Variants in SMOC1 observed in about 807,000 individuals in gnomAD.
SMOC1 encodes the protein SPARC-related modular calcium-binding protein 1.
SMOC1 carries 22 observed loss-of-function variants against 56.3 expected under a neutral mutation model. The observed-to-expected ratio is 0.39, with a 90% CI of 0.28 to 0.56. SMOC1 has a LOEUF of 0.56. Among genes scored for constraint, SMOC1 ranks in the 20% least tolerant of loss-of-function variants. The probability of loss-of-function intolerance (pLI) is 0.61; values close to 1 mark genes in which losing one functional copy is unlikely to be tolerated. For synonymous variants in SMOC1, 193 were observed against 215.0 expected (o/e 0.90, Z 0.89); for missense variants, 509 against 565.4 (o/e 0.90, Z 1.01).
chr14:69,957,020 G>A (rs1377508547), intron 3 of SMOC1, among the ~76,000 whole-genome samples: 27 of 152,160 alleles, frequency 1.8e-4, no homozygotes, highest in Admixed American at 1.8e-3. Flanking sequence ...GTGGAATTTA[G>A]CCTCTTTGGT....
intron 5 of SMOC1, among the ~76,000 whole-genome samples, chr14:69,988,299 T>G (rs977850693): frequency 1.3e-5 from 2 of 152,210 alleles, no homozygotes; most frequent in East Asian, 3.9e-4. Flanking sequence ...CTTTTTTTTT[T>G]TCAGTGTTTA....
chr14:70,012,978 C>A (rs1392649843), intron 9 of SMOC1, among the ~76,000 whole-genome samples: 2 of 152,188 alleles, frequency 1.3e-5, no homozygotes, highest in Non-Finnish European at 2.9e-5. Context: ...TTTGTGCTCC[C>A]ACAGCCCCTA....
intron 7 of SMOC1, among the ~76,000 whole-genome samples, chr14:70,009,674 A>G (rs759365576): frequency 1.3e-5 from 2 of 152,268 alleles, no homozygotes; most frequent in Non-Finnish European, 2.9e-5. Flanking sequence ...AATGAAAAAT[A>G]AAGTAATAGT....
intron 7 of SMOC1, among the ~76,000 whole-genome samples, chr14:70,002,907 CCTT>C (rs1409231520): frequency 6.6e-6 from 1 of 152,176 alleles, no homozygotes; most frequent in Non-Finnish European, 1.5e-5. Flanking sequence ...CTGTGCTAAT[CCTT>C]CTGAAACAGC....
chr14:69,900,316 C>T (rs189507345), intron 1 of SMOC1, among the ~76,000 whole-genome samples: 13 of 152,242 alleles, frequency 8.5e-5, no homozygotes, highest in Admixed American at 2.0e-4. Context: ...GCAAAGAACC[C>T]GGCACAGCGC....
At chr14:69,956,843 G>A (rs989030474) in intron 3 of SMOC1, among the ~76,000 whole-genome samples, 6 of 152,082 alleles carry the variant, frequency 3.9e-5, no homozygotes, top group African/African-American at 1.2e-4. Context: ...GACTTTTAAA[G>A]GTCTTGAAAC....
At chr14:69,964,625 C>G (rs987242055) in intron 3 of SMOC1, among the ~76,000 whole-genome samples, 1 of 152,116 alleles carries the variant, frequency 6.6e-6, no homozygotes. Context: ...GATCTGCCCG[C>G]CTTGGCCTCC....
chr14:69,956,987 T>C (rs1331217430), intron 3 of SMOC1, among the ~76,000 whole-genome samples: 2 of 151,248 alleles, frequency 1.3e-5, no homozygotes, highest in African/African-American at 4.9e-5. Context: ...CATCACTCTG[T>C]TTCTCGATTG....
At chr14:69,997,283 AAGCTTTAATGTCCG>A (rs1486543668) in intron 7 of SMOC1, among the ~76,000 whole-genome samples, 1 of 152,224 alleles carries the variant, frequency 6.6e-6, no homozygotes, top group Non-Finnish European at 1.5e-5. Context: ...TACCTTTTCC[AAGCTTTAATGTCCG>A]GTTCTGGTGC....
rs7154248 is a variant in SMOC1, at chr14:69,902,669, C to G, written c.99+22892C>G. Reference sequence around the variant, plus strand: ...CCACGGTCTCCCTCTGATGCCGAGCCGAAGCTGGACTGTACTGCCGCCATC... The same window carrying G: ...CCACGGTCTCCCTCTGATGCCGAGCGGAAGCTGGACTGTACTGCCGCCATC... On this transcript the variant is annotated intron_variant, in intron 1 of 11. Transcript: ENST00000361956. Among the ~76,000 whole-genome samples the G allele has an allele frequency of 6.3e-3, 958 of 151,914 alleles. 5 individuals are homozygous for G. The highest frequency in any genetic ancestry group is 0.019 in the African/African-American group (800 of 41,404).
At position 69,994,658 on chromosome 14, in the gene SMOC1, A is replaced by C. The variant is rs73290741; in HGVS notation, c.664+178A>C. Among the ~76,000 whole-genome samples, 1,265 of 152,324 alleles carry C rather than the reference A, an allele frequency of 8.3e-3. 20 individuals carry two copies. The highest frequency in any genetic ancestry group is 0.029 in the African/African-American group (1,192 of 41,558). ...ATCCCTTCCAACTTTAATTTTCTTCAATTATCATCTCAGAGATCATCTTTC... is the reference window on the plus strand; with the variant it reads ...ATCCCTTCCAACTTTAATTTTCTTCCATTATCATCTCAGAGATCATCTTTC... On this transcript the variant is annotated intron_variant, in intron 7 of 11. Coordinates refer to ENST00000361956, the MANE Select transcript of SMOC1 (RefSeq NM_001034852.3).
intron 9 of SMOC1, among the ~76,000 whole-genome samples, chr14:70,012,066 A>G (rs1259890293): frequency 1.3e-5 from 2 of 152,212 alleles, no homozygotes; most frequent in Non-Finnish European, 2.9e-5. Flanking sequence ...CCCCTTATTT[A>G]TAGCAATCTC....
At chr14:69,967,787 G>C (rs993338270) in intron 3 of SMOC1, among the ~76,000 whole-genome samples, 1 of 152,194 alleles carries the variant, frequency 6.6e-6, no homozygotes, top group Non-Finnish European at 1.5e-5. Context: ...AGTGGAGATG[G>C]TATTTACACT....
At chr14:69,939,238 C>A (rs555624257) in intron 1 of SMOC1, among the ~76,000 whole-genome samples, 1 of 152,326 alleles carries the variant, frequency 6.6e-6, no homozygotes, top group South Asian at 2.1e-4. Context: ...GGGGAAGCCT[C>A]ATAATCATGG....
chr14:69,953,370 C>T (rs1204571643), intron 2 of SMOC1, 50 bp from the exon 3 acceptor site: 2 of 1,560,742 alleles, frequency 1.3e-6, no homozygotes, highest in African/African-American at 1.4e-5. Context: ...TCCCTCGGCC[C>T]CAGTGTCGAA....
Position 69,973,372 on chromosome 14 carries a change from A to G in SMOC1, c.379-2343A>G, listed in dbSNP as rs1458820789. Among the ~76,000 whole-genome samples, 5 of 152,206 alleles carry G rather than the reference A, an allele frequency of 3.3e-5. No homozygotes were observed. In the East Asian group the frequency reaches 9.6e-4, roughly 29 times the overall value. On this transcript the variant is annotated intron_variant, in intron 3 of 11. Coordinates refer to ENST00000361956, the MANE Select transcript of SMOC1 (RefSeq NM_001034852.3). ...TCACGTTGTTATCCCCATTTTATAGATGGGCTCAAAGAGCTGAGCGATGTA... is the reference window on the plus strand; with the variant it reads ...TCACGTTGTTATCCCCATTTTATAGGTGGGCTCAAAGAGCTGAGCGATGTA...
intron 7 of SMOC1, among the ~76,000 whole-genome samples, chr14:70,002,765 T>C (rs561462908): frequency 6.6e-6 from 1 of 152,314 alleles, no homozygotes; most frequent in Non-Finnish European, 1.5e-5. Flanking sequence ...AAAAATAACC[T>C]GTTCACATAG....
chr14:69,895,465 T>C (rs1204631426), intron 1 of SMOC1, among the ~76,000 whole-genome samples: 1 of 152,226 alleles, frequency 6.6e-6, no homozygotes, highest in African/African-American at 2.4e-5. Context: ...AGTGAGAGCA[T>C]GTTTGATCTG....
At chr14:69,926,902 G>A (rs1035142911) in intron 1 of SMOC1, among the ~76,000 whole-genome samples, 1 of 152,216 alleles carries the variant, frequency 6.6e-6, no homozygotes, top group Non-Finnish European at 1.5e-5. Flanking sequence ...ATTTGCCCAG[G>A]ATTGCTTATA....
Sources: allele counts gnomAD v4.1 joint callset (sites outside exome capture counted in the v4.1 genomes callset), GRCh38; gene constraint gnomAD v4.1.1; transcripts MANE v1.5; gene names NCBI Gene and HGNC (gene_info 2026-07-23, HGNC 2026-07-21).